RPL41: variants seen among roughly 807,000 people sequenced by gnomAD.
The protein encoded by RPL41 is small ribosomal subunit protein eS32.
RPL41 carries 3 observed loss-of-function variants against 7.3 expected under a neutral mutation model. That is an observed-to-expected ratio of 0.41 (90% CI 0.19 to 1.06). The LOEUF (loss-of-function observed/expected upper bound fraction) is 1.06. RPL41 is among the 50% of genes least tolerant of loss of function. RPL41 has a pLI of 0.32. For synonymous variants in RPL41, 9 were observed against 7.4 expected, an observed-to-expected ratio of 1.21 and a Z score of -0.34; for missense variants, 13 against 30.4, an observed-to-expected ratio of 0.43 and a Z score of 1.35.
rs2136851396 is a variant in RPL41 at position 56,117,879 on chromosome 12, GTC to G, written c.*356_*357del. ...TGGTTCCATCGGGTGGGGGTTTTCT[GTC>G]ATTAGAGTTTGCCCTGTCACTACCT... On this transcript the variant is annotated 3_prime_UTR_variant, in exon 3 of 3. Transcript: ENST00000546591. The G allele has an allele frequency of 2.8e-6, 1 of 356,394 alleles. No individual in the cohort carries two copies. The highest frequency in any genetic ancestry group is 7.2e-5 in the East Asian group (1 of 13,958). The allele number at this position is 356,394 out of a possible 1,614,324, so 22.1% of individuals were successfully genotyped here. A position where few individuals can be genotyped will look rare whatever the true frequency, so the allele number is the denominator to read the frequency against.
Position 56,117,599 on chromosome 12 carries a change from A to G in RPL41, c.*75A>G. 8.9e-7 allele frequency: 1 copy of G among 1,128,242 alleles called. No individual in the cohort carries two copies. 69.9% of individuals were successfully genotyped at this position (1,128,242 alleles called of 1,614,324 possible). ...GCCAGACGCTGGGGATGCTGGTACA[A>G]GTTGTGGGACTGCATGCTACTGTCT... On this transcript the variant is annotated 3_prime_UTR_variant, in exon 3 of 3. Coordinates refer to ENST00000546591, the MANE Select transcript of RPL41 (RefSeq NM_001035267.2).
rs1869665560 is a variant in RPL41 at position 56,117,747 on chromosome 12, G to C, written c.*223G>C. The C allele has an allele frequency of 1.8e-6, 1 of 558,706 alleles. No individual in the cohort carries two copies. The highest frequency in any genetic ancestry group is 3.2e-6 in the Non-Finnish European group (1 of 309,552). The allele number at this position is 558,706 out of a possible 1,614,324, so 34.6% of individuals were successfully genotyped here. Reference sequence around the variant, plus strand: ...TCTGCCCTGGACCTGTGACATTCTGGACTATTTCTGTGTTTATTTGTGGCC... The same window carrying C: ...TCTGCCCTGGACCTGTGACATTCTGCACTATTTCTGTGTTTATTTGTGGCC... On this transcript the variant is annotated 3_prime_UTR_variant, in exon 3 of 3. Transcript: ENST00000546591.
intron 1 of RPL41, 101 bp downstream of exon 1, chr12:56,116,900 AG>A: frequency 2.7e-6 from 4 of 1,463,238 alleles, no homozygotes; most frequent in Non-Finnish European, 2.9e-6. Context: ...CTGGGTTTCA[AG>A]GGTGCCCAAG....
chr12:56,117,071 T>C, intron 1 of RPL41, 118 bp from the exon 2 acceptor site: 1 of 1,395,304 alleles, frequency 7.2e-7, no homozygotes, highest in South Asian at 1.4e-5. Flanking sequence ...ACTTCTTGGT[T>C]AAGAATCTGT....
rs532862802 is a variant in RPL41, at chr12:56,116,639, G to A, written c.-149G>A. 18 of 952,208 alleles carry A rather than the reference G, an allele frequency of 1.9e-5. No individual in the cohort carries two copies. In the Admixed American group the frequency reaches 2.7e-4, roughly 14 times the overall value. The allele number at this position is 952,208 out of a possible 1,614,324, so 59.0% of individuals were successfully genotyped here. A position where few individuals can be genotyped will look rare whatever the true frequency, so the allele number is the denominator to read the frequency against. On this transcript the variant is annotated 5_prime_UTR_variant, in exon 1 of 3. Coordinates refer to ENST00000546591, the MANE Select transcript of RPL41 (RefSeq NM_001035267.2). ...TAGACGGAACTTCGCCTTTCTCTCG[G>A]CCTTAGCGCCATTTTTTTGGGTGAG...
In RPL41 at chr12:56,117,465, C is replaced by T. The variant is rs1391198166; in HGVS notation, c.36-17C>T. 3.2e-6 allele frequency: 5 copies of T among 1,553,104 alleles called. No homozygotes were observed. The East Asian group carries it at 9.7e-5, about 30-fold the overall frequency. On this transcript the variant is annotated splice_polypyrimidine_tract_variant and intron_variant, in intron 2 of 2. Coordinates refer to ENST00000546591, the MANE Select transcript of RPL41 (RefSeq NM_001035267.2). ...CTCTGGTTTGAGGTGTATTCCATTCCTGTGTCTGCTTTTCAGGCTGAAGCG... is the reference window on the plus strand; with the variant it reads ...CTCTGGTTTGAGGTGTATTCCATTCTTGTGTCTGCTTTTCAGGCTGAAGCG...
chr12:56,116,680 GC>G lies in RPL41; in HGVS notation c.-107del, dbSNP rs1869608672. On this transcript the variant is annotated 5_prime_UTR_variant, in exon 1 of 3. Transcript: ENST00000546591. ...TTTGGGTGAGTGTTTTTTGGTTCCT[GC>G]GTTGGGATTCCGTGTACAATCCATA... 3 of 1,364,812 alleles carry G rather than the reference GC, an allele frequency of 2.2e-6. No homozygotes were observed. Among genetic ancestry groups the G allele is most frequent in the Non-Finnish European group, 3.1e-6 (3 of 956,744 alleles). The allele number at this position is 1,364,812 out of a possible 1,614,324, so 84.5% of individuals were successfully genotyped here.
chr12:56,116,948 T>C (rs1204654302), intron 1 of RPL41, 149 bp downstream of exon 1: 8 of 1,208,042 alleles, frequency 6.6e-6, no homozygotes, highest in Non-Finnish European at 9.8e-6. Flanking sequence ...GTGAGAGAGC[T>C]AGCGGTTAAG....
Position 56,117,613 on chromosome 12 carries a change from A to T in RPL41, c.*89A>T. 1 of 970,606 alleles carries T rather than the reference A, an allele frequency of 1.0e-6. No homozygotes were observed. The highest frequency in any genetic ancestry group is 2.6e-5 in the East Asian group (1 of 38,280). 60.1% of individuals were successfully genotyped at this position (970,606 alleles called of 1,614,324 possible). A position where few individuals can be genotyped will look rare whatever the true frequency, so the allele number is the denominator to read the frequency against. ...ATGCTGGTACAAGTTGTGGGACTGC[A>T]TGCTACTGTCTAGAGCTTGTCTCAA... On this transcript the variant is annotated 3_prime_UTR_variant, in exon 3 of 3. Coordinates refer to ENST00000546591, the MANE Select transcript of RPL41 (RefSeq NM_001035267.2).
intron 1 of RPL41, 104 bp from the exon 2 acceptor site, chr12:56,117,085 G>T: frequency 6.9e-7 from 1 of 1,444,880 alleles, no homozygotes; most frequent in South Asian, 1.4e-5. Context: ...AATCTGTCCG[G>T]TTCTAAAGAG....
Position 56,116,644 on chromosome 12 carries a change from A to T in RPL41, c.-144A>T, listed in dbSNP as rs892878246. On this transcript the variant is annotated 5_prime_UTR_variant, in exon 1 of 3. Transcript: ENST00000546591. ...GGAACTTCGCCTTTCTCTCGGCCTT[A>T]GCGCCATTTTTTTGGGTGAGTGTTT... 5 of 969,048 alleles carry T rather than the reference A, an allele frequency of 5.2e-6. No homozygotes were observed. In the Admixed American group the frequency reaches 5.4e-5, roughly 10 times the overall value. 60.0% of individuals were successfully genotyped at this position (969,048 alleles called of 1,614,324 possible). A position where few individuals can be genotyped will look rare whatever the true frequency, so the allele number is the denominator to read the frequency against.
rs1869602679 is a variant in RPL41 at position 56,116,636 on chromosome 12, T to G, written c.-152T>G. 1.1e-6 allele frequency: 1 copy of G among 920,180 alleles called. No individual in the cohort carries two copies. Among genetic ancestry groups the G allele is most frequent in the South Asian group, 1.4e-5 (1 of 72,194 alleles). 57.0% of individuals were successfully genotyped at this position (920,180 alleles called of 1,614,324 possible). Reference sequence around the variant, plus strand: ...CCGTAGACGGAACTTCGCCTTTCTCTCGGCCTTAGCGCCATTTTTTTGGGT... The same window carrying G: ...CCGTAGACGGAACTTCGCCTTTCTCGCGGCCTTAGCGCCATTTTTTTGGGT... On this transcript the variant is annotated 5_prime_UTR_variant, in exon 1 of 3. Coordinates refer to ENST00000546591, the MANE Select transcript of RPL41 (RefSeq NM_001035267.2).
Position 56,117,868 on chromosome 12 carries a change from G to T in RPL41, c.*344G>T. 2.8e-6 allele frequency: 1 copy of T among 361,758 alleles called. No homozygotes were observed. The highest frequency in any genetic ancestry group is 2.1e-5 in the African/African-American group (1 of 47,142). The allele number at this position is 361,758 out of a possible 1,614,324, so 22.4% of individuals were successfully genotyped here. A position where few individuals can be genotyped will look rare whatever the true frequency, so the allele number is the denominator to read the frequency against. ...TATGTTTTTTATGGTTCCATCGGGT[G>T]GGGGTTTTCTGTCATTAGAGTTTGC... On this transcript the variant is annotated 3_prime_UTR_variant, in exon 3 of 3. Transcript: ENST00000546591.
At chr12:56,117,292 A>G (rs1254892095) in intron 2 of RPL41, 81 bp downstream of exon 2, 23 of 1,536,970 alleles carry the variant, frequency 1.5e-5, no homozygotes, top group Non-Finnish European at 1.9e-5. Context: ...TGGAAATCTT[A>G]AAAGATCTTT....
rs1869605236 is a variant in RPL41 at position 56,116,657 on chromosome 12, T to C, written c.-131T>C. ...TCTCTCGGCCTTAGCGCCATTTTTT[T>C]GGGTGAGTGTTTTTTGGTTCCTGCG... On this transcript the variant is annotated 5_prime_UTR_variant, in exon 1 of 3. Coordinates refer to ENST00000546591, the MANE Select transcript of RPL41 (RefSeq NM_001035267.2). 5 of 1,119,468 alleles carry C rather than the reference T, an allele frequency of 4.5e-6. No individual in the cohort carries two copies. The Admixed American group carries it at 5.3e-5, about 12-fold the overall frequency. The allele number at this position is 1,119,468 out of a possible 1,614,324, so 69.3% of individuals were successfully genotyped here.
intron 1 of RPL41, 156 bp from the exon 2 acceptor site, chr12:56,117,033 G>T: frequency 8.5e-7 from 1 of 1,176,034 alleles, no homozygotes; most frequent in Non-Finnish European, 1.2e-6. Context: ...CCAAGTTACT[G>T]ATGTAGTTGT....
Position 56,117,549 on chromosome 12 carries a change from G to T in RPL41, c.*25G>T, listed in dbSNP as rs529277961. ...AACCGCTAGCTTGTTGCACCGTGGAGGCCACAGGAGCAGAAACATGGAATG... is the reference window on the plus strand; with the variant it reads ...AACCGCTAGCTTGTTGCACCGTGGATGCCACAGGAGCAGAAACATGGAATG... On this transcript the variant is annotated 3_prime_UTR_variant, in exon 3 of 3. Transcript: ENST00000546591. 1.2e-4 allele frequency: 178 copies of T among 1,520,738 alleles called. No individual in the cohort carries two copies. The highest frequency in any genetic ancestry group is 1.5e-4 in the Non-Finnish European group (169 of 1,119,164). 94.2% of individuals were successfully genotyped at this position (1,520,738 alleles called of 1,614,324 possible).
chr12:56,117,577 A>G lies in RPL41; in HGVS notation c.*53A>G, dbSNP rs1490664916. 7.4e-7 allele frequency: 1 copy of G among 1,344,910 alleles called. No individual in the cohort carries two copies. The highest frequency in any genetic ancestry group is 1.0e-6 in the Non-Finnish European group (1 of 959,992). 83.3% of individuals were successfully genotyped at this position (1,344,910 alleles called of 1,614,324 possible). A position where few individuals can be genotyped will look rare whatever the true frequency, so the allele number is the denominator to read the frequency against. ...CACAGGAGCAGAAACATGGAATGCC[A>G]GACGCTGGGGATGCTGGTACAAGTT... is the stretch of plus-strand genomic sequence containing the variant. On this transcript the variant is annotated 3_prime_UTR_variant, in exon 3 of 3. Transcript: ENST00000546591.
rs932093125 is a variant in RPL41 at position 56,117,892 on chromosome 12, G to A, written c.*368G>A. ...TGGGGGTTTTCTGTCATTAGAGTTT[G>A]CCCTGTCACTACCTGTGCTATGGAG... On this transcript the variant is annotated 3_prime_UTR_variant, in exon 3 of 3. Transcript: ENST00000546591. 2.6e-5 allele frequency: 9 copies of A among 352,168 alleles called. No homozygotes were observed. 21.8% of individuals were successfully genotyped at this position (352,168 alleles called of 1,614,324 possible).
Sources: gnomAD v4.1 joint callset for allele counts on GRCh38, gnomAD v4.1.1 for gene constraint, MANE v1.5 for transcripts, NCBI Gene and HGNC (gene_info 2026-07-23, HGNC 2026-07-21) for gene names.